The following FCHSD2 variants were observed in gnomAD, a reference collection of about 807,000 sequenced individuals.
FCHSD2 encodes the protein FCH and double SH3 domains 2.
FCHSD2 carries 38 observed loss-of-function variants against 108.1 expected under a neutral mutation model. The ratio of observed to expected loss-of-function variants is 0.35; its 90% CI spans 0.27 to 0.46. The LOEUF (loss-of-function observed/expected upper bound fraction) is 0.46, where lower values mean the gene tolerates loss of function less well. Ranked by LOEUF, FCHSD2 falls within the 20% of genes least tolerant of loss-of-function variation. The pLI is 1.00. For missense variants in FCHSD2, 751 were observed against 897.8 expected (o/e 0.84, Z 2.09); for synonymous variants, 279 against 314.7 (o/e 0.89, Z 1.20).
chr11:72,914,518 C>T (rs1369739363), intron 9 of FCHSD2, among the ~76,000 whole-genome samples: 1 of 152,156 alleles, frequency 6.6e-6, no homozygotes, highest in East Asian at 1.9e-4. Flanking sequence ...AACCAAACAG[C>T]ATGGTACTAG....
At chr11:72,855,103 G>A (rs1301372874) in intron 13 of FCHSD2, among the ~76,000 whole-genome samples, 4 of 152,172 alleles carry the variant, frequency 2.6e-5, no homozygotes. Flanking sequence ...GAGAAACCCT[G>A]TCTCTACTAA....
intron 2 of FCHSD2, among the ~76,000 whole-genome samples, chr11:73,131,673 C>T (rs952972781): frequency 6.7e-6 from 1 of 149,550 alleles, no homozygotes; most frequent in Non-Finnish European, 1.5e-5. Context: ...CACTGCACTC[C>T]GGTCTAGGCA....
intron 3 of FCHSD2, among the ~76,000 whole-genome samples, chr11:73,016,302 C>CA (rs113309736): frequency 0.021 from 1,698 of 80,952 alleles, 11 homozygotes; most frequent in African/African-American, 0.037. Context: ...GGCTCTGTCT[C>CA]AAAAAAAAAA....
At chr11:73,141,612 G>A (rs1160043076) in intron 1 of FCHSD2, among the ~76,000 whole-genome samples, 3 of 152,178 alleles carry the variant, frequency 2.0e-5, no homozygotes, top group Non-Finnish European at 4.4e-5. Context: ...ATGCACACCC[G>A]AAACTCTTGT....
chr11:72,940,990 A>T, intron 8 of FCHSD2: 2 of 747,768 alleles, frequency 2.7e-6, no homozygotes, highest in Non-Finnish European at 4.9e-6. Flanking sequence ...GTGTGGGCTG[A>T]CATCTACAGG....
intron 3 of FCHSD2, among the ~76,000 whole-genome samples, chr11:73,042,275 G>C (rs1044342664): frequency 1.3e-4 from 20 of 152,036 alleles, no homozygotes; most frequent in Admixed American, 9.8e-4. Context: ...TTCCGCATAT[G>C]GATATTCAGC....
At chr11:72,950,141 T>A (rs967556411) in intron 8 of FCHSD2, among the ~76,000 whole-genome samples, 6 of 152,214 alleles carry the variant, frequency 3.9e-5, no homozygotes, top group African/African-American at 1.2e-4. Flanking sequence ...GTATTACTCA[T>A]CTTTGAGAAA....
chr11:72,918,123 A>C (rs955680259), intron 9 of FCHSD2, among the ~76,000 whole-genome samples: 3 of 152,100 alleles, frequency 2.0e-5, no homozygotes, highest in African/African-American at 4.8e-5. Context: ...CCTTTGGTTA[A>C]GTTTATTCCT....
At chr11:73,094,219 C>CA (rs937594599) in intron 2 of FCHSD2, among the ~76,000 whole-genome samples, 53 of 148,194 alleles carry the variant, frequency 3.6e-4, no homozygotes, top group African/African-American at 5.7e-4. Context: ...CTCCCTGCAC[C>CA]AAAAAAAAAG....
chr11:73,131,825 T>C (rs1057140428), intron 2 of FCHSD2, among the ~76,000 whole-genome samples: 1 of 152,242 alleles, frequency 6.6e-6, no homozygotes, highest in Non-Finnish European at 1.5e-5. Flanking sequence ...ACTTAGAATT[T>C]TCATTTATAC....
chr11:73,002,851 C>G (rs1857654130), intron 4 of FCHSD2, among the ~76,000 whole-genome samples: 1 of 152,124 alleles, frequency 6.6e-6, no homozygotes, highest in Admixed American at 6.5e-5. Flanking sequence ...CAGCACTTTT[C>G]TTTTAATTAT....
At chr11:72,925,811 C>T (rs996984900) in intron 8 of FCHSD2, among the ~76,000 whole-genome samples, 57 of 152,172 alleles carry the variant, frequency 3.7e-4, no homozygotes, top group African/African-American at 1.3e-3. Flanking sequence ...CAGAGCCCTG[C>T]CCCTTCTGAG....
chr11:72,916,252 T>C (rs1288250061), intron 9 of FCHSD2, among the ~76,000 whole-genome samples: 1 of 151,510 alleles, frequency 6.6e-6, no homozygotes, highest in African/African-American at 2.4e-5. Flanking sequence ...ATTTTGTTAA[T>C]CTTTTCAAAA....
intron 10 of FCHSD2, among the ~76,000 whole-genome samples, chr11:72,893,330 T>C (rs1336955002): frequency 2.0e-5 from 3 of 151,996 alleles, no homozygotes; most frequent in Non-Finnish European, 4.4e-5. Flanking sequence ...ATTTTTCTTT[T>C]TGGAAGACAG....
intron 2 of FCHSD2, among the ~76,000 whole-genome samples, chr11:73,087,345 T>A: frequency 6.6e-6 from 1 of 152,290 alleles, no homozygotes; most frequent in East Asian, 1.9e-4. Flanking sequence ...GTTTTTTTTT[T>A]AATTTACAAG....
chr11:72,912,692 A>G (rs1389580627), intron 9 of FCHSD2, among the ~76,000 whole-genome samples: 1 of 152,126 alleles, frequency 6.6e-6, no homozygotes, highest in African/African-American at 2.4e-5. Flanking sequence ...TGGTTGAGTA[A>G]AATTGGTATT....
intron 3 of FCHSD2, among the ~76,000 whole-genome samples, chr11:73,042,770 T>C (rs556919977): frequency 2.6e-4 from 40 of 152,262 alleles, no homozygotes; most frequent in African/African-American, 9.6e-4. Flanking sequence ...AGGTCTTTCA[T>C]CTCCTTGGTT....
chr11:73,049,831 G>C (rs952698098), intron 3 of FCHSD2, among the ~76,000 whole-genome samples: 1 of 151,850 alleles, frequency 6.6e-6, no homozygotes, highest in Non-Finnish European at 1.5e-5. Context: ...ATAAAATTTT[G>C]TGAAATCAAT....
intron 2 of FCHSD2, among the ~76,000 whole-genome samples, chr11:73,095,193 G>C (rs911242977): frequency 3.9e-5 from 6 of 152,100 alleles, no homozygotes; most frequent in African/African-American, 7.2e-5. Flanking sequence ...CTGTGCTTCA[G>C]TTTCCTATCA....
Sources: gnomAD v4.1 joint callset for allele counts (sites outside exome capture counted in the v4.1 genomes callset) on GRCh38, gnomAD v4.1.1 for gene constraint, MANE v1.5 for transcripts, NCBI Gene and HGNC (gene_info 2026-07-23, HGNC 2026-07-21) for gene names.